MMAA: variants seen among roughly 807,000 people sequenced by gnomAD.
MMAA encodes the protein methylmalonic aciduria type A protein, mitochondrial.
A neutral mutation model predicts 45.0 loss-of-function variants in MMAA; 41 were observed. The observed-to-expected ratio is 0.91, with a 90% CI of 0.71 to 1.18. The LOEUF (loss-of-function observed/expected upper bound fraction) is 1.18. Ranked by LOEUF, MMAA falls within the 50% of genes most tolerant of loss-of-function variation. The probability of loss-of-function intolerance (pLI) is 0.00; values close to 1 mark genes in which losing one functional copy is unlikely to be tolerated. For missense variants in MMAA, 460 were observed against 495.7 expected, an observed-to-expected ratio of 0.93 and a Z score of 0.68; for synonymous variants, 154 against 178.2, an observed-to-expected ratio of 0.86 and a Z score of 1.08.
intron 1 of MMAA, among the ~76,000 whole-genome samples, chr4:145,623,131 C>A (rs1290858279): frequency 6.6e-6 from 1 of 152,148 alleles, no homozygotes; most frequent in East Asian, 1.9e-4. Context: ...TCAATGAACA[C>A]CCCAAGGCAC....
intron 4 of MMAA, among the ~76,000 whole-genome samples, chr4:145,649,681 T>C (rs1206477198): frequency 6.6e-6 from 1 of 151,960 alleles, no homozygotes; most frequent in African/African-American, 2.4e-5. Flanking sequence ...CCTAATAACA[T>C]TGGAATAAGA....
At chr4:145,653,550 A>G (rs1447173511) in intron 5 of MMAA, among the ~76,000 whole-genome samples, 3 of 152,240 alleles carry the variant, frequency 2.0e-5, no homozygotes, top group Admixed American at 2.0e-4. Flanking sequence ...ATTGAAAATA[A>G]AATGCTATAT....
At chr4:145,648,380 T>G (rs1025944738) in intron 4 of MMAA, among the ~76,000 whole-genome samples, 59 of 152,174 alleles carry the variant, frequency 3.9e-4, no homozygotes, top group African/African-American at 1.4e-3. Flanking sequence ...GTGCCTGACC[T>G]TGTGATCCGC....
Position 145,639,351 on chromosome 4 carries a change from TAAAG to T in MMAA, c.213_216del (p.Lys72ThrfsTer21). The T allele has an allele frequency of 1.2e-6, 2 of 1,614,142 alleles. No individual in the cohort carries two copies. The highest frequency in any genetic ancestry group is 1.7e-6 in the Non-Finnish European group (2 of 1,180,026). ...AGAAAATTATGTGTACAAACAACCT[TAAAG>T]GACCACACAGAAGGACTTTCTGATA... On this transcript the variant is annotated frameshift_variant, in exon 2 of 7. Transcript: ENST00000649156. LOFTEE classifies it high-confidence loss of function.
At chr4:145,626,093 T>A in intron 1 of MMAA, 1 of 706,460 alleles carries the variant, frequency 1.4e-6, no homozygotes, top group Non-Finnish European at 2.4e-6. Flanking sequence ...GGACCTTGGG[T>A]GGACTGAGAC....
rs1728224309 is a variant in MMAA at position 145,656,190 on chromosome 4, CT to C, written c.*757del. 6.6e-6 allele frequency: 1 copy of C among 152,200 alleles called. No homozygotes were observed. Among genetic ancestry groups the C allele is most frequent in the African/African-American group, 2.4e-5 (1 of 41,458 alleles). The allele number at this position is 152,200 out of a possible 1,614,324, so 9.4% of individuals were successfully genotyped here. ...ATTCAAGGATTATTCAGTTTGAAGA[CT>C]ACCAAAGGCTTTTGCTTCTCTTCTT... On this transcript the variant is annotated 3_prime_UTR_variant, in exon 7 of 7. Transcript: ENST00000649156.
At chr4:145,643,632 C>G (rs966929748) in intron 3 of MMAA, among the ~76,000 whole-genome samples, 2 of 152,042 alleles carry the variant, frequency 1.3e-5, no homozygotes. Context: ...AAAAAGTTAA[C>G]TGTAAAATAA....
intron 3 of MMAA, among the ~76,000 whole-genome samples, chr4:145,644,199 T>G (rs1310108894): frequency 6.6e-6 from 1 of 152,242 alleles, no homozygotes; most frequent in Non-Finnish European, 1.5e-5. Flanking sequence ...CATAGGAAAG[T>G]AATTTCCTAA....
At chr4:145,642,185 A>G (rs1000456413) in intron 2 of MMAA, among the ~76,000 whole-genome samples, 178 bp from the exon 3 acceptor site, 1 of 152,218 alleles carries the variant, frequency 6.6e-6, no homozygotes, top group Non-Finnish European at 1.5e-5. Flanking sequence ...TAGCCCCATT[A>G]CTCAGGAATT....
chr4:145,639,605 G>A (rs772564337), intron 2 of MMAA, 27 bp downstream of exon 2: 2 of 1,589,482 alleles, frequency 1.3e-6, no homozygotes, highest in South Asian at 1.2e-5. Context: ...TGTTTTCTCA[G>A]TAAATATTTT....
At chr4:145,623,645 C>T (rs913354550) in intron 1 of MMAA, among the ~76,000 whole-genome samples, 1 of 151,980 alleles carries the variant, frequency 6.6e-6, no homozygotes, top group African/African-American at 2.4e-5. Context: ...ATTTTTTGTG[C>T]AAAATACACT....
intron 5 of MMAA, among the ~76,000 whole-genome samples, chr4:145,652,746 CA>C (rs372450541): frequency 3.3e-5 from 5 of 151,824 alleles, no homozygotes; most frequent in Admixed American, 2.6e-4. Context: ...ACAACAACAA[CA>C]AAAAAACCCA....
intron 3 of MMAA, among the ~76,000 whole-genome samples, chr4:145,645,018 T>C (rs1318037438): frequency 6.6e-6 from 1 of 152,202 alleles, no homozygotes; most frequent in African/African-American, 2.4e-5. Context: ...GTTGTATGAA[T>C]AGTTTTCCAT....
intron 1 of MMAA, chr4:145,624,989 G>A: frequency 1.0e-6 from 1 of 1,000,308 alleles, no homozygotes; most frequent in Non-Finnish European, 1.6e-6. Flanking sequence ...ACAGGAGTCA[G>A]TCTTGACAAG....
chr4:145,620,756 G>C (rs1243112816), intron 1 of MMAA, among the ~76,000 whole-genome samples: 1 of 152,180 alleles, frequency 6.6e-6, no homozygotes, highest in African/African-American at 2.4e-5. Context: ...CCTAGAGACT[G>C]GGATGGTCAG....
At position 145,651,075 on chromosome 4, in the gene MMAA, G is replaced by A. The variant is rs11721553; in HGVS notation, c.747G>A (p.Ser249=). Residue 249 remains serine, a synonymous_variant, in exon 5 of 7, where the codon TCG becomes TCA. Transcript: ENST00000649156. ...TTACAATTTCAGGTGTGGGTCAGTC[G>A]GAGTTTGCTGTTGCTGACATGGTTG... ...ILIETVGVGQ[S]EFAVADMVDM... 144,191 of 1,613,392 alleles carry A rather than the reference G, an allele frequency of 0.089. 7,243 individuals are homozygous for A. Among genetic ancestry groups the A allele is most frequent in the Non-Finnish European group, 0.1 (121,970 of 1,179,324 alleles).
At chr4:145,631,903 T>A (rs1452515580) in intron 1 of MMAA, among the ~76,000 whole-genome samples, 1 of 152,220 alleles carries the variant, frequency 6.6e-6, no homozygotes, top group East Asian at 1.9e-4. Flanking sequence ...TATAAACAAA[T>A]GAATAGAAAA....
intron 1 of MMAA, chr4:145,625,687 G>C: frequency 2.8e-6 from 4 of 1,440,942 alleles, no homozygotes; most frequent in Non-Finnish European, 3.9e-6. Flanking sequence ...ACAGAGACTT[G>C]ATTGGCTAGA....
intron 1 of MMAA, among the ~76,000 whole-genome samples, chr4:145,623,752 A>T (rs568579642): frequency 6.6e-6 from 1 of 152,352 alleles, no homozygotes; most frequent in East Asian, 1.9e-4. Context: ...ACGTTAGGGA[A>T]GTTTACTAGC....
Sources: allele counts gnomAD v4.1 joint callset (sites outside exome capture counted in the v4.1 genomes callset), GRCh38; gene constraint gnomAD v4.1.1; transcripts MANE v1.5; gene names NCBI Gene and HGNC (gene_info 2026-07-23, HGNC 2026-07-21).